Variants in CSMD3 observed in about 807,000 individuals in gnomAD.
CSMD3 encodes the protein CUB and Sushi multiple domains 3.
Under a neutral mutation model 435.2 loss-of-function variants are expected in CSMD3, and 177 were observed. That is an observed-to-expected ratio of 0.41 (90% CI 0.36 to 0.46). The LOEUF (loss-of-function observed/expected upper bound fraction) is 0.46. Among genes scored for constraint, CSMD3 ranks in the 20% least tolerant of loss-of-function variants. The pLI is 0.34. For synonymous variants in CSMD3, 1,656 were observed against 1,520.5 expected, an observed-to-expected ratio of 1.09 and a Z score of -2.07; for missense variants, 4,265 against 4,504.6, an observed-to-expected ratio of 0.95 and a Z score of 1.52.
chr8:113,041,411 T>C (rs1449521604), intron 5 of CSMD3, among the ~76,000 whole-genome samples: 1 of 152,080 alleles, frequency 6.6e-6, no homozygotes, highest in African/African-American at 2.4e-5. Flanking sequence ...GTCATTGTGC[T>C]GCCCTCACAT....
intron 3 of CSMD3, among the ~76,000 whole-genome samples, chr8:113,183,249 C>T (rs757178983): frequency 1.9e-4 from 29 of 152,186 alleles, no homozygotes; most frequent in South Asian, 1.2e-3. Flanking sequence ...TTATACCCTA[C>T]CTCTGCTAAT....
intron 4 of CSMD3, among the ~76,000 whole-genome samples, chr8:113,166,822 A>G (rs940748354): frequency 2.0e-5 from 3 of 152,126 alleles, no homozygotes; most frequent in African/African-American, 7.2e-5. Flanking sequence ...ATCATATTCA[A>G]AAATATAACT....
rs182874144 is a variant in CSMD3, at chr8:112,772,734, C to T, written c.1972+27428G>A. Among the ~76,000 whole-genome samples the T allele has an allele frequency of 4.0e-3, 605 of 152,208 alleles. 14 individuals are homozygous for T. In the East Asian group the frequency reaches 0.074, roughly 19 times the overall value. Reference sequence around the variant, plus strand: ...AAAGCCCGATTGTATATTCCATCTACTGAGATAGGGGAAAACCGCCTTAGG... The same window carrying T: ...AAAGCCCGATTGTATATTCCATCTATTGAGATAGGGGAAAACCGCCTTAGG... On this transcript the variant is annotated intron_variant, in intron 13 of 70. Coordinates refer to ENST00000297405, the MANE Select transcript of CSMD3 (RefSeq NM_198123.2).
chr8:112,921,391 G>T (rs1198941026), intron 10 of CSMD3, among the ~76,000 whole-genome samples: 1 of 151,874 alleles, frequency 6.6e-6, no homozygotes, highest in East Asian at 1.9e-4. Flanking sequence ...CCAGAGTCTT[G>T]TATTACATAC....
intron 7 of CSMD3, among the ~76,000 whole-genome samples, chr8:112,971,699 C>T (rs1037279398): frequency 1.3e-5 from 2 of 152,130 alleles, no homozygotes; most frequent in Admixed American, 6.5e-5. Flanking sequence ...TACACTAATA[C>T]AGCAAAGTGA....
At chr8:112,692,892 C>T (rs779884097) in intron 13 of CSMD3, among the ~76,000 whole-genome samples, 1 of 151,574 alleles carries the variant, frequency 6.6e-6, no homozygotes, top group African/African-American at 2.4e-5. Context: ...CTTTCTGTGT[C>T]TAATTTACAA....
intron 68 of CSMD3, among the ~76,000 whole-genome samples, chr8:112,232,147 A>G (rs1400805787): frequency 6.6e-6 from 1 of 152,168 alleles, no homozygotes; most frequent in African/African-American, 2.4e-5. Context: ...ACCAAGTGGA[A>G]GAAGCCAGCC....
At position 112,726,902 on chromosome 8, in the gene CSMD3, C is replaced by A. The variant is rs542545275; in HGVS notation, c.1973-36852G>T. 1.4e-3 allele frequency among the ~76,000 whole-genome samples: 218 copies of A among 151,558 alleles called. 2 individuals are homozygous for A. Among genetic ancestry groups the A allele is most frequent in the Admixed American group, 6.7e-3 (101 of 15,164 alleles). ...TACATCAAATTAGTAAATATAAGAA[C>A]CAATGGGAATATGATTCAAGAGAAA... On this transcript the variant is annotated intron_variant, in intron 13 of 70. Transcript: ENST00000297405.
chr8:112,588,238 ACAGT>A (rs1830895244), intron 22 of CSMD3, among the ~76,000 whole-genome samples: 1 of 151,972 alleles, frequency 6.6e-6, no homozygotes, highest in Non-Finnish European at 1.5e-5. Context: ...ATTTATGGGA[ACAGT>A]CAGAGAAAGA....
At chr8:112,997,849 C>T (rs1272112414) in intron 6 of CSMD3, among the ~76,000 whole-genome samples, 1 of 120,024 alleles carries the variant, frequency 8.3e-6, no homozygotes, top group Non-Finnish European at 1.7e-5. Flanking sequence ...TATGTATGTA[C>T]ATGTATATGT....
intron 7 of CSMD3, among the ~76,000 whole-genome samples, chr8:112,962,584 TAAC>T (rs1025663074): frequency 2.0e-5 from 3 of 151,806 alleles, no homozygotes; most frequent in South Asian, 2.1e-4. Context: ...CTTTAATAAA[TAAC>T]AACAGTCCAT....
intron 1 of CSMD3, among the ~76,000 whole-genome samples, chr8:113,382,172 T>C (rs1277177437): frequency 6.6e-6 from 1 of 152,136 alleles, no homozygotes; most frequent in Non-Finnish European, 1.5e-5. Context: ...TATATAAAGA[T>C]ATTTTGTATG....
chr8:112,961,195 T>C (rs2084215328), intron 7 of CSMD3, among the ~76,000 whole-genome samples: 1 of 151,832 alleles, frequency 6.6e-6, no homozygotes, highest in South Asian at 2.1e-4. Context: ...CCATTCTGAT[T>C]TGTGATGCAA....
chr8:112,871,907 C>A (rs879431746), intron 10 of CSMD3, among the ~76,000 whole-genome samples: 2 of 151,994 alleles, frequency 1.3e-5, no homozygotes, highest in African/African-American at 4.8e-5. Context: ...ATTTAAGTAA[C>A]GTATATAAAT....
At chr8:112,483,426 T>G (rs1331340176) in intron 31 of CSMD3, among the ~76,000 whole-genome samples, 1 of 152,072 alleles carries the variant, frequency 6.6e-6, no homozygotes, top group East Asian at 1.9e-4. Context: ...GAGATTCCAG[T>G]GAGCCGAGCT....
In CSMD3 at chr8:112,829,749, C is replaced by G; in HGVS notation, c.1796G>C (p.Gly599Ala). 1 of 1,613,080 alleles carries G rather than the reference C, an allele frequency of 6.2e-7. No homozygotes were observed. Residue 599 changes from glycine (G) to alanine (A), a missense_variant, in exon 12 of 71, where the codon GGC becomes GCC. Physicochemically the swap from Gly to Ala is moderately conservative, Grantham distance 60 (BLOSUM62 0). Around this residue, in one of 3 missense-constraint regions of CSMD3, gnomAD observed 731 missense variants for 755.4 expected, o/e 0.97. Transcript: ENST00000297405. ...ATCGCCAATTGTCAAGGTATCATAGCCAATCTCCAGATCAAATTCTTCAAA... is the reference window on the plus strand; with the variant it reads ...ATCGCCAATTGTCAAGGTATCATAGGCAATCTCCAGATCAAATTCTTCAAA... The part of the protein sequence containing the change: ...INFEEFDLEI[G>A]YDTLTIGDGG...
At chr8:112,981,288 AAAG>A (rs2085044388) in intron 6 of CSMD3, among the ~76,000 whole-genome samples, 1 of 151,502 alleles carries the variant, frequency 6.6e-6, no homozygotes, top group Non-Finnish European at 1.5e-5. Flanking sequence ...GTTAAAGTAA[AAAG>A]AAGTTCATCT....
rs193182987 is a variant in CSMD3 at position 112,506,116 on chromosome 8, T to C, written c.4895+575A>G. 6.3e-3 allele frequency among the ~76,000 whole-genome samples: 960 copies of C among 152,232 alleles called. 8 individuals carry two copies. Among genetic ancestry groups the C allele is most frequent in the Non-Finnish European group, 0.011 (742 of 67,966 alleles). On this transcript the variant is annotated intron_variant, in intron 29 of 70. Coordinates refer to ENST00000297405, the MANE Select transcript of CSMD3 (RefSeq NM_198123.2). Reference sequence around the variant, plus strand: ...AAAATTATCATTGTTGTTGCTTTGGTATTACTAATTAGCAATGTACCACTA... The same window carrying C: ...AAAATTATCATTGTTGTTGCTTTGGCATTACTAATTAGCAATGTACCACTA...
At chr8:113,360,735 G>A (rs1588596738) in intron 1 of CSMD3, among the ~76,000 whole-genome samples, 1 of 151,590 alleles carries the variant, frequency 6.6e-6, no homozygotes, top group South Asian at 2.1e-4. Flanking sequence ...TACCACGCCC[G>A]GCTAATTTTT....
Sources: gnomAD v4.1 joint callset for allele counts (sites outside exome capture counted in the v4.1 genomes callset) on GRCh38, gnomAD v4.1.1 for gene constraint, gnomAD v4.1.1 regional missense constraint, MANE v1.5 for transcripts, NCBI Gene and HGNC (gene_info 2026-07-23, HGNC 2026-07-21) for gene names.